The following ZRANB3 variants were observed in gnomAD, a reference collection of about 807,000 sequenced individuals.
The protein encoded by ZRANB3 is zinc finger RANBP2-type containing 3, also known as DNA annealing helicase and endonuclease ZRANB3.
In ZRANB3, 125 loss-of-function variants were observed where a neutral mutation model predicts 133.8. The ratio of observed to expected loss-of-function variants is 0.93; its 90% CI spans 0.81 to 1.08. ZRANB3 has a LOEUF of 1.08. ZRANB3 is among the 50% of genes least tolerant of loss of function. The pLI, the probability that ZRANB3 is intolerant of heterozygous loss-of-function variation, is 0.00. For synonymous variants in ZRANB3, 387 were observed against 432.7 expected, an observed-to-expected ratio of 0.89 and a Z score of 1.31; for missense variants, 1,229 against 1,275.5, an observed-to-expected ratio of 0.96 and a Z score of 0.56.
intron 12 of ZRANB3, among the ~76,000 whole-genome samples, chr2:135,259,613 T>C (rs969753127): frequency 1.3e-5 from 2 of 151,964 alleles, no homozygotes; most frequent in African/African-American, 4.8e-5. Context: ...AGATGGGGTT[T>C]CTCCATATTG....
chr2:135,407,569 A>G (rs1450724023), intron 2 of ZRANB3, among the ~76,000 whole-genome samples: 7 of 149,570 alleles, frequency 4.7e-5, no homozygotes, highest in African/African-American at 1.3e-4. Context: ...CTGACTTCAA[A>G]CTATACTACA....
At position 135,504,463 on chromosome 2, in the gene ZRANB3, C is replaced by A; in HGVS notation, c.27G>T (p.Lys9Asn). Residue 9 changes from lysine (K) to asparagine (N), a missense_variant, in exon 2 of 21, where the codon AAG (lysine) becomes AAT (asparagine). Transcript: ENST00000264159. MPRVHNIK[K>N]SLTPHISCVT... The stretch of plus-strand genomic sequence containing the variant: ...CACAAGAAATGTGAGGTGTAAGAGA[C>A]TTTTTTATGTTATGAACCCTAGGCA... The A allele has an allele frequency of 6.2e-7, 1 of 1,612,910 alleles. No individual in the cohort carries two copies. The highest frequency in any genetic ancestry group is 1.1e-5 in the South Asian group (1 of 90,834).
At chr2:135,459,175 T>C (rs1366522591) in intron 2 of ZRANB3, among the ~76,000 whole-genome samples, 1 of 152,214 alleles carries the variant, frequency 6.6e-6, no homozygotes, top group Non-Finnish European at 1.5e-5. Flanking sequence ...GGCCTAATAC[T>C]GTATTAATGG....
At chr2:135,295,767 G>T (rs1347086871) in intron 8 of ZRANB3, among the ~76,000 whole-genome samples, 3 of 152,142 alleles carry the variant, frequency 2.0e-5, no homozygotes, top group Non-Finnish European at 2.9e-5. Context: ...TGGTAGGGCA[G>T]GTCTGGTGGT....
chr2:135,370,276 T>C lies in ZRANB3; in HGVS notation c.181-16648A>G, dbSNP rs555171153. Among the ~76,000 whole-genome samples, 4 of 151,988 alleles carry C rather than the reference T, an allele frequency of 2.6e-5. No individual in the cohort carries two copies. The East Asian group carries it at 7.7e-4, about 29-fold the overall frequency. ...GATTTGTGAGATTTTGGTGCACCCA[T>C]CACCCAAGCAGTATACTCTGCACCC... On this transcript the variant is annotated intron_variant, in intron 3 of 20. Transcript: ENST00000264159.
rs971560964 is a variant in ZRANB3, at chr2:135,436,349, A to G, written c.162-45529T>C. Reference sequence around the variant, plus strand: ...TATGTGCCTGTTTTGTAGCAGCACCATGCTGTTTTGGTTCGTGTAGCCTTG... The same window carrying G: ...TATGTGCCTGTTTTGTAGCAGCACCGTGCTGTTTTGGTTCGTGTAGCCTTG... On this transcript the variant is annotated intron_variant, in intron 2 of 20. Transcript: ENST00000264159. Among the ~76,000 whole-genome samples, 8 of 152,198 alleles carry G rather than the reference A, an allele frequency of 5.3e-5. No individual in the cohort carries two copies. The East Asian group carries it at 1.5e-3, about 29-fold the overall frequency.
intron 12 of ZRANB3, among the ~76,000 whole-genome samples, chr2:135,263,041 A>G (rs1680040065): frequency 6.6e-6 from 1 of 152,130 alleles, no homozygotes; most frequent in East Asian, 1.9e-4. Context: ...ATCTTTTTAT[A>G]AAATAAAAGA....
At chr2:135,301,932 A>C (rs963105635) in intron 8 of ZRANB3, among the ~76,000 whole-genome samples, 2 of 152,228 alleles carry the variant, frequency 1.3e-5, no homozygotes, top group East Asian at 3.8e-4. Context: ...GCAATCAATA[A>C]ATATGTACTG....
intron 6 of ZRANB3, among the ~76,000 whole-genome samples, chr2:135,324,051 G>A (rs1335314984): frequency 6.6e-6 from 1 of 152,082 alleles, no homozygotes. Context: ...TTATAGGCAT[G>A]AGCCACTGTG....
intron 1 of ZRANB3, among the ~76,000 whole-genome samples, chr2:135,527,560 G>GA (rs149060662): frequency 0.11 from 16,668 of 149,436 alleles, 1,179 homozygotes; most frequent in South Asian, 0.32. Context: ...AATAAAAAAA[G>GA]AAAAAAAAAG....
At chr2:135,485,275 T>C (rs1337312852) in intron 2 of ZRANB3, among the ~76,000 whole-genome samples, 1 of 152,114 alleles carries the variant, frequency 6.6e-6, no homozygotes, top group African/African-American at 2.4e-5. Context: ...ATCCCTTCTT[T>C]ACAGCAACAC....
rs528354638 is a variant in ZRANB3, at chr2:135,271,170, A to C, written c.1206+598T>G. On this transcript the variant is annotated intron_variant, in intron 10 of 20. Coordinates refer to ENST00000264159, the MANE Select transcript of ZRANB3 (RefSeq NM_032143.4). ...AAGACATACTTGCTAAGAGTGGTAA[A>C]GCAGAAAGCGAGAAGGGGTATAGGT... 5.3e-4 allele frequency: 172 copies of C among 322,658 alleles called. 1 individual carries two copies. Among genetic ancestry groups the C allele is most frequent in the Middle Eastern group, 3.1e-3 (3 of 964 alleles). The allele number at this position is 322,658 out of a possible 1,614,324, so 20.0% of individuals were successfully genotyped here.
chr2:135,209,305 C>T (rs537447783), intron 17 of ZRANB3, among the ~76,000 whole-genome samples: 28 of 152,310 alleles, frequency 1.8e-4, no homozygotes, highest in African/African-American at 6.7e-4. Flanking sequence ...ACACGCACAA[C>T]TGACAGCCTT....
intron 12 of ZRANB3, among the ~76,000 whole-genome samples, chr2:135,238,552 T>C (rs1261343813): frequency 6.6e-6 from 1 of 152,024 alleles, no homozygotes; most frequent in Non-Finnish European, 1.5e-5. Flanking sequence ...TTAGTAGAGA[T>C]GGGGTTTCAC....
At position 135,229,391 on chromosome 2, in the gene ZRANB3, G is replaced by A. The variant is rs573618485; in HGVS notation, c.1954+1122C>T. ...ATTTTTTTTTTTTTTTTTTTGAGAC[G>A]GAGTCTCGCTCTGTTGCCCAGCCTG... On this transcript the variant is annotated intron_variant, in intron 13 of 20. Coordinates refer to ENST00000264159, the MANE Select transcript of ZRANB3 (RefSeq NM_032143.4). 1.2e-4 allele frequency among the ~76,000 whole-genome samples: 17 copies of A among 146,438 alleles called. 1 individual carries two copies. The highest frequency in any genetic ancestry group is 1.0e-4 in the Non-Finnish European group (7 of 66,874).
At chr2:135,480,818 T>G (rs866671835) in intron 2 of ZRANB3, among the ~76,000 whole-genome samples, 76 of 126,874 alleles carry the variant, frequency 6.0e-4, no homozygotes, top group African/African-American at 2.2e-3. Flanking sequence ...CCTGTGTCCA[T>G]GTGATCTCAT....
intron 5 of ZRANB3, 134 bp from the exon 6 acceptor site, chr2:135,345,769 T>C (rs1161055249): frequency 3.2e-6 from 2 of 622,398 alleles, no homozygotes; most frequent in Non-Finnish European, 5.6e-6. Flanking sequence ...ATCCCCTCAC[T>C]ACTATTCATC....
chr2:135,419,310 A>G (rs528768956), intron 2 of ZRANB3, among the ~76,000 whole-genome samples: 1 of 151,796 alleles, frequency 6.6e-6, no homozygotes, highest in African/African-American at 2.4e-5. Flanking sequence ...TTTTGTGTAC[A>G]TTTTGGATTT....
At chr2:135,228,206 G>T in intron 13 of ZRANB3, 191 bp from the exon 14 acceptor site, 2 of 469,924 alleles carry the variant, frequency 4.3e-6, no homozygotes, top group Non-Finnish European at 7.4e-6. Context: ...ACAGGACAGA[G>T]AAATCCCTGC....
Sources: gnomAD v4.1 joint callset for allele counts (sites outside exome capture counted in the v4.1 genomes callset) on GRCh38, gnomAD v4.1.1 for gene constraint, MANE v1.5 for transcripts, NCBI Gene and HGNC (gene_info 2026-07-23, HGNC 2026-07-21) for gene names.